Variants in FBXO36 observed in about 807,000 individuals in gnomAD.
The protein encoded by FBXO36 is F-box protein 36, also known as F-box only protein 36.
FBXO36 carries 18 observed loss-of-function variants against 17.0 expected under a neutral mutation model. The observed-to-expected ratio is 1.06, with a 90% confidence interval of 0.73 to 1.57. FBXO36 has a LOEUF of 1.57. FBXO36 is among the 40% of genes most tolerant of loss of function. The pLI, the probability that FBXO36 is intolerant of heterozygous loss-of-function variation, is 0.00. For missense variants in FBXO36, 229 were observed against 221.9 expected (o/e 1.03, Z -0.20); for synonymous variants, 83 against 85.3 (o/e 0.97, Z 0.15).
Position 230,013,035 on chromosome 2 carries a change from AAG to A in FBXO36, c.*2154_*2155del, listed in dbSNP as rs1475101063. 6.6e-6 allele frequency: 1 copy of A among 151,542 alleles called. No individual in the cohort carries two copies. The highest frequency in any genetic ancestry group is 2.4e-5 in the African/African-American group (1 of 41,392). The allele number at this position is 151,542 out of a possible 1,614,324, so 9.4% of individuals were successfully genotyped here. On this transcript the variant is annotated 3_prime_UTR_variant, in exon 4 of 4. Transcript: ENST00000283946. ...AAATAAATGCTAAAGTAAATAAAAA[AAG>A]AGCCATTAATATGTTAACTATTGTT...
chr2:229,956,416 G>T (rs1193424849), intron 1 of FBXO36, among the ~76,000 whole-genome samples: 1 of 152,166 alleles, frequency 6.6e-6, no homozygotes, highest in East Asian at 1.9e-4. Context: ...ATTAACAATA[G>T]AAAAGGGGCA....
At chr2:229,988,284 C>T (rs11679182) in intron 2 of FBXO36, among the ~76,000 whole-genome samples, 32,532 of 151,934 alleles carry the variant, frequency 0.21, 3,840 homozygotes, top group South Asian at 0.29. Context: ...CTATTATAAA[C>T]GAAAACTCCT....
At chr2:229,966,730 A>G (rs1301257975) in intron 1 of FBXO36, among the ~76,000 whole-genome samples, 2 of 152,040 alleles carry the variant, frequency 1.3e-5, no homozygotes, top group Non-Finnish European at 2.9e-5. Flanking sequence ...GTTCTGTTCC[A>G]TTGGTCTATA....
At chr2:229,931,606 C>G (rs890576501) in intron 1 of FBXO36, among the ~76,000 whole-genome samples, 2 of 152,090 alleles carry the variant, frequency 1.3e-5, no homozygotes, top group African/African-American at 4.8e-5. Context: ...TTTAGGAGGC[C>G]AAGGCAGGCG....
At chr2:229,948,903 A>C (rs999697607) in intron 1 of FBXO36, among the ~76,000 whole-genome samples, 4 of 152,104 alleles carry the variant, frequency 2.6e-5, no homozygotes, top group African/African-American at 9.7e-5. Flanking sequence ...GCATGATCTC[A>C]GCTCACTGCA....
chr2:229,963,873 T>G (rs1445530905), intron 1 of FBXO36, among the ~76,000 whole-genome samples: 1 of 152,252 alleles, frequency 6.6e-6, no homozygotes, highest in Non-Finnish European at 1.5e-5. Flanking sequence ...CCATACATTT[T>G]GTACCACAGT....
At chr2:229,967,286 A>G (rs552033520) in intron 1 of FBXO36, among the ~76,000 whole-genome samples, 391 of 152,264 alleles carry the variant, frequency 2.6e-3, no homozygotes, top group Non-Finnish European at 3.8e-3. Flanking sequence ...GGCTGAGACA[A>G]TGGGGTTTTC....
At chr2:229,935,321 C>T (rs1382111625) in intron 1 of FBXO36, among the ~76,000 whole-genome samples, 1 of 152,068 alleles carries the variant, frequency 6.6e-6, no homozygotes, top group Non-Finnish European at 1.5e-5. Context: ...GGAACATTGA[C>T]AGTTCACAAA....
At chr2:229,940,494 G>C (rs776991241) in intron 1 of FBXO36, among the ~76,000 whole-genome samples, 1 of 152,108 alleles carries the variant, frequency 6.6e-6, no homozygotes, top group Non-Finnish European at 1.5e-5. Context: ...GTTAGGGGCC[G>C]AATTATGTCT....
intron 1 of FBXO36, among the ~76,000 whole-genome samples, chr2:229,969,107 C>T (rs2077168097): frequency 6.6e-6 from 1 of 152,012 alleles, no homozygotes; most frequent in Admixed American, 6.6e-5. Flanking sequence ...TGAGTAAATT[C>T]TGTTAAGCAT....
At chr2:229,991,540 A>G (rs1390292111) in intron 2 of FBXO36, among the ~76,000 whole-genome samples, 2 of 152,218 alleles carry the variant, frequency 1.3e-5, no homozygotes, top group Non-Finnish European at 2.9e-5. Context: ...GCAGCCCTGC[A>G]CAAGCCAAGA....
At chr2:229,938,130 G>A (rs923591672) in intron 1 of FBXO36, among the ~76,000 whole-genome samples, 3 of 151,542 alleles carry the variant, frequency 2.0e-5, no homozygotes, top group Non-Finnish European at 4.4e-5. Flanking sequence ...ATCATGCCCG[G>A]CTAATTTTTT....
intron 3 of FBXO36, among the ~76,000 whole-genome samples, chr2:230,006,284 C>T (rs368029696): frequency 6.6e-6 from 1 of 151,600 alleles, no homozygotes. Context: ...TTAGTAGAGG[C>T]GGGGTTTCGC....
At chr2:229,934,063 AAT>A (rs2076952303) in intron 1 of FBXO36, among the ~76,000 whole-genome samples, 1 of 152,120 alleles carries the variant, frequency 6.6e-6, no homozygotes, top group Non-Finnish European at 1.5e-5. Flanking sequence ...AGTAAAACAA[AAT>A]TATATTTCCT....
At chr2:229,979,530 A>G (rs1276842366) in intron 2 of FBXO36, among the ~76,000 whole-genome samples, 3 of 151,868 alleles carry the variant, frequency 2.0e-5, no homozygotes, top group Non-Finnish European at 2.9e-5. Flanking sequence ...CTATAATCCC[A>G]GCACTTTGGG....
chr2:230,010,732 C>T lies in FBXO36; in HGVS notation c.415C>T (p.Gln139Ter). 1.2e-6 allele frequency: 2 copies of T among 1,613,582 alleles called. No individual in the cohort carries two copies. The highest frequency in any genetic ancestry group is 1.7e-6 in the Non-Finnish European group (2 of 1,179,576). Residue 139 changes from glutamine to a stop codon, truncating the protein, a stop_gained, in exon 4 of 4, where the codon CAG becomes TAG. Coordinates refer to ENST00000283946, the MANE Select transcript of FBXO36 (RefSeq NM_174899.5). LOFTEE classifies it low-confidence loss of function (END_TRUNC). ...MSDKLWEQIV[Q>*]STCDTITPDV... is the part of the protein sequence containing the mutation. ...TGATAAACTGTGGGAACAGATAGTC[C>T]AGTCGACCTGCGACACCATCACTCC...
At chr2:229,965,735 C>T (rs182028920) in intron 1 of FBXO36, among the ~76,000 whole-genome samples, 1,930 of 152,216 alleles carry the variant, frequency 0.013, 47 homozygotes, top group African/African-American at 0.044. Context: ...TAGTATTCTA[C>T]GGTGTATATG....
chr2:229,999,505 A>G (rs1390353202), intron 3 of FBXO36, among the ~76,000 whole-genome samples: 1 of 147,150 alleles, frequency 6.8e-6, no homozygotes, highest in Non-Finnish European at 1.5e-5. Flanking sequence ...ATATGTATAT[A>G]TATATATATA....
At chr2:229,940,932 C>T (rs1345842296) in intron 1 of FBXO36, among the ~76,000 whole-genome samples, 2 of 152,234 alleles carry the variant, frequency 1.3e-5, no homozygotes, top group African/African-American at 2.4e-5. Context: ...CTACTTGATT[C>T]GCCTAAATAT....
Sources: allele counts gnomAD v4.1 joint callset (sites outside exome capture counted in the v4.1 genomes callset), GRCh38; gene constraint gnomAD v4.1.1; transcripts MANE v1.5; gene names NCBI Gene and HGNC (gene_info 2026-07-23, HGNC 2026-07-21).